The following ATP7B variants were observed in gnomAD, a reference collection of about 807,000 sequenced individuals.
ATP7B encodes the protein copper-transporting ATPase 2.
In ATP7B, 113 loss-of-function variants were observed where a neutral mutation model predicts 118.9. The ratio of observed to expected loss-of-function variants is 0.95; its 90% CI spans 0.82 to 1.11. The LOEUF (loss-of-function observed/expected upper bound fraction) is 1.11. ATP7B is among the 50% of genes most tolerant of loss of function. The pLI is 0.00. For missense variants in ATP7B, 1,867 were observed against 1,871.4 expected (o/e 1.00, Z 0.04); for synonymous variants, 777 against 727.4 (o/e 1.07, Z -1.10).
rs1041361346 is a variant in ATP7B, at chr13:51,934,973, G to C, written c.4181C>G (p.Pro1394Arg). The C allele has an allele frequency of 1.4e-5, 23 of 1,613,916 alleles. No individual in the cohort carries two copies. The highest frequency in any genetic ancestry group is 4.0e-5 in the African/African-American group (3 of 74,914). The change falls in exon 21 of 21, where the codon CCC becomes CGC. Residue 1394 changes from proline (P) to arginine (R), a missense_variant. Pro to Arg is a moderately radical substitution (Grantham distance 103). Coordinates refer to ENST00000242839, the MANE Select transcript of ATP7B (RefSeq NM_000053.4). ...YEAQAHGHMK[P>R]LTASQVSVHI... The stretch of plus-strand genomic sequence containing the variant: ...CACACTGACCTGGGATGCCGTCAGG[G>C]GCTTCATGTGGCCATGCGCCTGTGC...
chr13:51,963,736 CAAA>C (rs933334832), intron 5 of ATP7B, among the ~76,000 whole-genome samples: 1,439 of 41,046 alleles, frequency 0.035, 14 homozygotes, highest in South Asian at 0.085. Context: ...GACCACGTCT[CAAA>C]AAAAAAAAAA....
At position 51,964,925 on chromosome 13, in the gene ATP7B, C is replaced by G. The variant is rs748832657; in HGVS notation, c.1816G>C (p.Val606Leu). 6 of 1,614,144 alleles carry G rather than the reference C, an allele frequency of 3.7e-6. No homozygotes were observed. Among genetic ancestry groups the G allele is most frequent in the Non-Finnish European group, 4.2e-6 (5 of 1,180,032 alleles). The change falls in exon 5 of 21, where the codon GTT becomes CTT. Residue 606 changes from valine (V) to leucine (L), a missense_variant. Val to Leu is a conservative substitution (Grantham distance 32). Coordinates refer to ENST00000242839, the MANE Select transcript of ATP7B (RefSeq NM_000053.4). ...SVALATSKAL[V>L]KFDPEIIGPR... ...CCGATAATTTCCGGGTCAAACTTAA[C>G]AAGGGCTTTGCTGGTGGCAAGGGCA... is the stretch of plus-strand genomic sequence containing the variant.
chr13:51,934,333 G>T lies in ATP7B; in HGVS notation c.*423C>A, dbSNP rs1038777107. 1 of 298,896 alleles carries T rather than the reference G, an allele frequency of 3.3e-6. No homozygotes were observed. Among genetic ancestry groups the T allele is most frequent in the Non-Finnish European group, 6.6e-6 (1 of 150,652 alleles). The allele number at this position is 298,896 out of a possible 1,614,324, so 18.5% of individuals were successfully genotyped here. A position where few individuals can be genotyped will look rare whatever the true frequency, so the allele number is the denominator to read the frequency against. ...TCAGAAACATGATGCACACAGACAG[G>T]CGTCATCAGAAAGACCCTGACAGTG... On this transcript the variant is annotated 3_prime_UTR_variant, in exon 21 of 21. Transcript: ENST00000242839.
chr13:51,977,272 T>C (rs1952169325), intron 1 of ATP7B, among the ~76,000 whole-genome samples: 1 of 152,170 alleles, frequency 6.6e-6, no homozygotes, highest in Admixed American at 6.5e-5. Flanking sequence ...TAATAACACT[T>C]AGCTTAAAGC....
rs151074402 is a variant in ATP7B at position 51,973,488 on chromosome 13, C to T, written c.1285+447G>A. On this transcript the variant is annotated intron_variant, in intron 2 of 20. Coordinates refer to ENST00000242839, the MANE Select transcript of ATP7B (RefSeq NM_000053.4). Reference sequence around the variant, plus strand: ...GATTAATGGGTTATCACAGGTGTGGCATCGAGGCTTTCTAAAAAGAGGAAG... The same window carrying T: ...GATTAATGGGTTATCACAGGTGTGGTATCGAGGCTTTCTAAAAAGAGGAAG... Among the ~76,000 whole-genome samples the T allele has an allele frequency of 7.3e-3, 1,108 of 152,236 alleles. 17 individuals carry two copies. Among genetic ancestry groups the T allele is most frequent in the African/African-American group, 0.026 (1,069 of 41,522 alleles).
chr13:51,936,137 T>A (rs1388290596), intron 19 of ATP7B, among the ~76,000 whole-genome samples: 2 of 152,166 alleles, frequency 1.3e-5, no homozygotes, highest in Admixed American at 1.3e-4. Flanking sequence ...CAGGGCTTCA[T>A]GACATCTTTA....
At chr13:51,973,799 G>T in intron 2 of ATP7B, 136 bp downstream of exon 2, 1 of 1,310,774 alleles carries the variant, frequency 7.6e-7, no homozygotes, top group Non-Finnish European at 1.1e-6. Context: ...AACATGCAAG[G>T]AAAGTTTGCA....
chr13:51,984,984 A>G (rs1952586555), intron 1 of ATP7B, among the ~76,000 whole-genome samples: 1 of 152,170 alleles, frequency 6.6e-6, no homozygotes, highest in African/African-American at 2.4e-5. Context: ...TAAAGACCAT[A>G]GACACTATGA....
chr13:51,940,283 G>C (rs1451878706), intron 16 of ATP7B, among the ~76,000 whole-genome samples: 1 of 148,360 alleles, frequency 6.7e-6, no homozygotes, highest in African/African-American at 2.5e-5. Context: ...AAAGTGCTGG[G>C]ATTACAGGCG....
rs76163470 is a variant in ATP7B at position 51,946,268 on chromosome 13, C to A, written c.3060+16G>T. 2,484 of 1,563,512 alleles carry A rather than the reference C, an allele frequency of 1.6e-3. 37 individuals are homozygous for A. In the African/African-American group the frequency reaches 0.03, roughly 19 times the overall value. On this transcript the variant is annotated intron_variant, in intron 13 of 20. Transcript: ENST00000242839. ...TTTCATCTCTCAGGATGGGGAAAGC[C>A]GTGCTACAGGCTGACCTTGTGCGCC...
chr13:51,962,723 C>T (rs971667641), intron 5 of ATP7B, among the ~76,000 whole-genome samples: 6 of 152,096 alleles, frequency 3.9e-5, no homozygotes, highest in African/African-American at 1.4e-4. Context: ...GCAATAGTCC[C>T]CAAATAAGGT....
In ATP7B at chr13:51,961,896, A is replaced by G. The variant is rs1555292354; in HGVS notation, c.1887T>C (p.Ala629=). 3.1e-6 allele frequency: 5 copies of G among 1,613,914 alleles called. No homozygotes were observed. The highest frequency in any genetic ancestry group is 4.2e-6 in the Non-Finnish European group (5 of 1,179,796). The part of the protein sequence containing the change: ...IKIIEEIGFH[A]SLAQRNPNAH... ...CGTTGGGGTTTCTCTGGGCCAGGGA[A>G]GCATGAAAGCCAATTTCCTTGTCAT... is the stretch of plus-strand genomic sequence containing the variant. The change falls in exon 6 of 21, where the codon GCT becomes GCC. Residue 629 remains alanine, a synonymous_variant. Coordinates refer to ENST00000242839, the MANE Select transcript of ATP7B (RefSeq NM_000053.4).
upstream of ATP7B, chr13:52,012,060 C>T (rs1407919777): frequency 4.3e-6 from 2 of 470,184 alleles, no homozygotes; most frequent in African/African-American, 3.9e-5. Flanking sequence ...CAGCCAATGG[C>T]CTCCAACGGG....
intron 12 of ATP7B, among the ~76,000 whole-genome samples, chr13:51,949,259 G>C (rs1459424190): frequency 6.6e-6 from 1 of 151,994 alleles, no homozygotes; most frequent in African/African-American, 2.4e-5. Context: ...AGATGGTACT[G>C]GTAAATATAT....
chr13:51,978,765 G>A (rs986618978), intron 1 of ATP7B: 8 of 152,212 alleles, frequency 5.3e-5, no homozygotes, highest in Non-Finnish European at 1.0e-4. Flanking sequence ...GCATGTGTTT[G>A]TTATCTGTTG....
intron 3 of ATP7B, among the ~76,000 whole-genome samples, chr13:51,969,897 C>A (rs1469459116): frequency 1.3e-5 from 2 of 152,160 alleles, no homozygotes; most frequent in East Asian, 3.9e-4. Context: ...AGACACATCA[C>A]TGGGGTAAGA....
At chr13:52,006,953 G>C (rs954979543) in intron 1 of ATP7B, among the ~76,000 whole-genome samples, 1 of 152,166 alleles carries the variant, frequency 6.6e-6, no homozygotes, top group African/African-American at 2.4e-5. Context: ...ATCCAGCACA[G>C]GGGCTGACCT....
At chr13:51,971,210 T>C (rs1951826217) in intron 2 of ATP7B, among the ~76,000 whole-genome samples, 1 of 152,226 alleles carries the variant, frequency 6.6e-6, no homozygotes, top group Non-Finnish European at 1.5e-5. Context: ...CAAATTAAAG[T>C]TGCCAGGTAA....
At chr13:52,004,823 G>A (rs539482306) in intron 1 of ATP7B, among the ~76,000 whole-genome samples, 35 of 152,202 alleles carry the variant, frequency 2.3e-4, no homozygotes, top group African/African-American at 8.2e-4. Flanking sequence ...CCCCATAGAC[G>A]TTTTCTGCCT....
Sources: gnomAD v4.1 joint callset for allele counts (sites outside exome capture counted in the v4.1 genomes callset) on GRCh38, gnomAD v4.1.1 for gene constraint, MANE v1.5 for transcripts, NCBI Gene and HGNC (gene_info 2026-07-23, HGNC 2026-07-21) for gene names.